The following FBXO31 variants were observed in gnomAD, a reference collection of about 807,000 sequenced individuals.
FBXO31 encodes F-box only protein 31.
In FBXO31, 24 loss-of-function variants were observed where a neutral mutation model predicts 54.4. The ratio of observed to expected loss-of-function variants is 0.44; its 90% CI spans 0.32 to 0.62. The LOEUF (loss-of-function observed/expected upper bound fraction) is 0.62. Ranked by LOEUF, FBXO31 falls within the 20% of genes least tolerant of loss-of-function variation. FBXO31 has a pLI of 0.05. For missense variants in FBXO31, 665 were observed against 787.1 expected, an observed-to-expected ratio of 0.84 and a Z score of 1.86; for synonymous variants, 388 against 335.6, an observed-to-expected ratio of 1.16 and a Z score of -1.71.
Position 87,349,709 on chromosome 16 carries a change from G to GA in FBXO31, c.413-2460dup, listed in dbSNP as rs59578146. Reference sequence around the variant, plus strand: ...TGGGCAACAGAGCAAGACTCCATCTGAAAAAAAAAAAAAATCAACTGGATC... The same window carrying GA: ...TGGGCAACAGAGCAAGACTCCATCTGAAAAAAAAAAAAAAATCAACTGGATC... On this transcript the variant is annotated intron_variant, in intron 2 of 8. Coordinates refer to ENST00000311635, the MANE Select transcript of FBXO31 (RefSeq NM_024735.5). 6.1e-3 allele frequency among the ~76,000 whole-genome samples: 830 copies of GA among 135,190 alleles called. 3 individuals are homozygous for GA. The highest frequency in any genetic ancestry group is 0.016 in the African/African-American group (578 of 37,256). The allele number at this position is 135,190 out of a possible 152,430, so 88.7% of individuals were successfully genotyped here. A position where few individuals can be genotyped will look rare whatever the true frequency, so the allele number is the denominator to read the frequency against.
intron 2 of FBXO31, among the ~76,000 whole-genome samples, chr16:87,350,003 C>G (rs1177724571): frequency 6.6e-6 from 1 of 152,174 alleles, no homozygotes; most frequent in East Asian, 1.9e-4. Context: ...CACCAGTAAT[C>G]CCATCACTCA....
chr16:87,360,166 T>C, intron 2 of FBXO31, 129 bp downstream of exon 2: 3 of 808,938 alleles, frequency 3.7e-6, no homozygotes, highest in Non-Finnish European at 6.2e-6. Context: ...CTATTCAAAA[T>C]GTGACTGTAA....
chr16:87,344,820 C>T (rs939947960), intron 3 of FBXO31, among the ~76,000 whole-genome samples: 1 of 152,170 alleles, frequency 6.6e-6, no homozygotes, highest in African/African-American at 2.4e-5. Flanking sequence ...GAGCGGGTTT[C>T]TCCACAGCGG....
chr16:87,360,210 A>G, intron 2 of FBXO31, 85 bp downstream of exon 2: 1 of 1,295,502 alleles, frequency 7.7e-7, no homozygotes, highest in Admixed American at 1.7e-5. Flanking sequence ...TGTGGACTAA[A>G]TCACTTTGAT....
chr16:87,353,954 C>T (rs1260578309), intron 2 of FBXO31, among the ~76,000 whole-genome samples: 2 of 152,262 alleles, frequency 1.3e-5, no homozygotes, highest in Non-Finnish European at 2.9e-5. Context: ...GGCTTGGGGA[C>T]TAGGATGCGG....
chr16:87,341,655 C>CA (rs397854967), intron 5 of FBXO31, among the ~76,000 whole-genome samples: 7,009 of 70,480 alleles, frequency 0.099, 871 homozygotes, highest in East Asian at 0.39. Flanking sequence ...GACTCCGTCT[C>CA]AAAAAAAAAA....
At chr16:87,339,178 C>G (rs1198000621) in intron 5 of FBXO31, among the ~76,000 whole-genome samples, 2 of 152,232 alleles carry the variant, frequency 1.3e-5, no homozygotes, top group African/African-American at 4.8e-5. Flanking sequence ...CAGAAGTTCT[C>G]AGCCAGCAGA....
intron 1 of FBXO31, among the ~76,000 whole-genome samples, chr16:87,382,134 A>G (rs1907105257): frequency 6.6e-6 from 1 of 152,146 alleles, no homozygotes; most frequent in African/African-American, 2.4e-5. Context: ...TCTTCAAAGC[A>G]CTGTTTATGC....
intron 1 of FBXO31, among the ~76,000 whole-genome samples, chr16:87,372,692 C>A (rs977517736): frequency 3.3e-5 from 5 of 151,438 alleles, no homozygotes; most frequent in African/African-American, 1.2e-4. Flanking sequence ...ACCTGAGTAG[C>A]TGGGGCCACA....
intron 4 of FBXO31, among the ~76,000 whole-genome samples, 186 bp downstream of exon 4, chr16:87,343,412 C>T (rs1470266585): frequency 6.6e-6 from 1 of 152,400 alleles, no homozygotes; most frequent in Non-Finnish European, 1.5e-5. Flanking sequence ...CAGCAAGTGA[C>T]CGCTGCAGAG....
chr16:87,362,970 C>A (rs1906201078), intron 1 of FBXO31, among the ~76,000 whole-genome samples: 1 of 152,226 alleles, frequency 6.6e-6, no homozygotes, highest in South Asian at 2.1e-4. Flanking sequence ...TCCCTTCAGT[C>A]AGGGCCAGGG....
At chr16:87,368,466 C>T (rs761112955) in intron 1 of FBXO31, among the ~76,000 whole-genome samples, 14 of 152,190 alleles carry the variant, frequency 9.2e-5, no homozygotes, top group Admixed American at 2.6e-4. Context: ...TCCAGAAAGA[C>T]TGGCAAGTGA....
upstream of FBXO31, chr16:87,391,585 G>T (rs1318095480): frequency 6.6e-6 from 1 of 152,332 alleles, no homozygotes; most frequent in East Asian, 1.9e-4. Flanking sequence ...CTAACGGTAG[G>T]AAAATCTTAC....
chr16:87,347,371 A>C, intron 2 of FBXO31, 121 bp from the exon 3 acceptor site: 1 of 805,256 alleles, frequency 1.2e-6, no homozygotes, highest in South Asian at 1.4e-5. Flanking sequence ...AGAGCCCTCC[A>C]AACACATGCA....
chr16:87,355,462 T>C (rs1489663084), intron 2 of FBXO31, among the ~76,000 whole-genome samples: 1 of 152,228 alleles, frequency 6.6e-6, no homozygotes, highest in African/African-American at 2.4e-5. Context: ...AAATTGGCTT[T>C]CTTTTTTCAC....
chr16:87,334,124 C>G lies in FBXO31; in HGVS notation c.1159G>C (p.Glu387Gln). ...VRQEQQEGGH[E>Q]AGEGRGRQGP... is the part of the protein sequence containing the mutation. ...TGCCGGCCACGACCCTCGCCCGCCT[C>G]GTGCCCGCCTTCCTGCTGCTCCTGG... Residue 387 changes from glutamate (E) to glutamine (Q), a missense_variant, in exon 8 of 9, where the codon GAG (glutamate) becomes CAG (glutamine). Glu to Gln is a conservative substitution (Grantham distance 29). This residue lies in a region of FBXO31 where 165 missense variants were observed against 159.7 expected (regional missense o/e 1.03). Coordinates refer to ENST00000311635, the MANE Select transcript of FBXO31 (RefSeq NM_024735.5). 6.2e-7 allele frequency: 1 copy of G among 1,611,320 alleles called. No homozygotes were observed. The highest frequency in any genetic ancestry group is 2.2e-5 in the East Asian group (1 of 44,826).
intron 5 of FBXO31, among the ~76,000 whole-genome samples, chr16:87,342,349 C>T (rs1905220764): frequency 6.6e-6 from 1 of 152,196 alleles, no homozygotes; most frequent in African/African-American, 2.4e-5. Flanking sequence ...GCCACCGCAC[C>T]TTCCTTCTTA....
At chr16:87,372,893 C>T (rs968683610) in intron 1 of FBXO31, among the ~76,000 whole-genome samples, 9 of 151,962 alleles carry the variant, frequency 5.9e-5, no homozygotes, top group Non-Finnish European at 1.0e-4. Context: ...CGCCACCACA[C>T]CCCACTAATT....
intron 1 of FBXO31, among the ~76,000 whole-genome samples, chr16:87,380,998 GA>G (rs1266019280): frequency 6.6e-6 from 1 of 152,088 alleles, no homozygotes; most frequent in Non-Finnish European, 1.5e-5. Flanking sequence ...AAACCCCCCA[GA>G]GGTCACCACA....
Sources: gnomAD v4.1 joint callset for allele counts (sites outside exome capture counted in the v4.1 genomes callset) on GRCh38, gnomAD v4.1.1 for gene constraint, gnomAD v4.1.1 regional missense constraint, MANE v1.5 for transcripts, NCBI Gene and HGNC (gene_info 2026-07-23, HGNC 2026-07-21) for gene names.